Variants in MIPOL1 observed in about 807,000 individuals in gnomAD.
The protein encoded by MIPOL1 is mirror-image polydactyly gene 1 protein.
Under a neutral mutation model 60.9 loss-of-function variants are expected in MIPOL1, and 57 were observed. The observed-to-expected ratio is 0.94, with a 90% CI of 0.76 to 1.17. The LOEUF (loss-of-function observed/expected upper bound fraction) is 1.17. MIPOL1 is among the 50% of genes most tolerant of loss of function. The pLI, the probability that MIPOL1 is intolerant of heterozygous loss-of-function variation, is 0.00. For synonymous variants in MIPOL1, 179 were observed against 168.8 expected, an observed-to-expected ratio of 1.06 and a Z score of -0.47; for missense variants, 551 against 511.6, an observed-to-expected ratio of 1.08 and a Z score of -0.74.
rs2095552190 is a variant in MIPOL1 at position 37,547,877 on chromosome 14, A to G, written c.*906A>G. On this transcript the variant is annotated 3_prime_UTR_variant, in exon 13 of 13. Transcript: ENST00000684589. ...GGATCTAATATATAATATTCAATAC[A>G]ATTGTAATGTAGAAATATAAGAATT... 6.6e-6 allele frequency: 1 copy of G among 151,990 alleles called. No individual in the cohort carries two copies. Among genetic ancestry groups the G allele is most frequent in the Admixed American group, 6.6e-5 (1 of 15,258 alleles). 9.4% of individuals were successfully genotyped at this position (151,990 alleles called of 1,614,324 possible). A position where few individuals can be genotyped will look rare whatever the true frequency, so the allele number is the denominator to read the frequency against.
chr14:37,446,064 T>G (rs1415765652), intron 11 of MIPOL1, among the ~76,000 whole-genome samples: 2 of 152,116 alleles, frequency 1.3e-5, no homozygotes. Flanking sequence ...AAAGCCAAAA[T>G]TGACAAATGG....
At chr14:37,487,629 G>A (rs952233453) in intron 11 of MIPOL1, among the ~76,000 whole-genome samples, 5 of 152,202 alleles carry the variant, frequency 3.3e-5, no homozygotes, top group Admixed American at 2.0e-4. Context: ...TTGTGTAGAG[G>A]TGTTTATAGT....
chr14:37,345,531 T>C (rs1439833996), intron 9 of MIPOL1, among the ~76,000 whole-genome samples: 2 of 152,236 alleles, frequency 1.3e-5, no homozygotes, highest in African/African-American at 2.4e-5. Context: ...CTTTTTCAAG[T>C]TGGCCTCTGA....
chr14:37,513,763 G>A (rs542249555), intron 12 of MIPOL1, among the ~76,000 whole-genome samples: 1 of 152,178 alleles, frequency 6.6e-6, no homozygotes, highest in African/African-American at 2.4e-5. Context: ...TGCATTTAAT[G>A]TACTTCTTCA....
chr14:37,450,502 A>T (rs2094401624), intron 11 of MIPOL1, among the ~76,000 whole-genome samples: 1 of 152,078 alleles, frequency 6.6e-6, no homozygotes, highest in South Asian at 2.1e-4. Flanking sequence ...ACGTTTTCTC[A>T]TGGAAGATAA....
intron 9 of MIPOL1, among the ~76,000 whole-genome samples, chr14:37,315,878 G>A (rs908348428): frequency 6.6e-6 from 1 of 152,090 alleles, no homozygotes; most frequent in African/African-American, 2.4e-5. Flanking sequence ...ACCAAGTTGT[G>A]TGGTGTGTCA....
At chr14:37,502,864 A>T (rs916778536) in intron 12 of MIPOL1, 1 of 152,186 alleles carries the variant, frequency 6.6e-6, no homozygotes, top group African/African-American at 2.4e-5. Flanking sequence ...CAAGGAAGCT[A>T]AAAACCTTGA....
intron 7 of MIPOL1, among the ~76,000 whole-genome samples, chr14:37,297,549 GA>G (rs1567341500): frequency 6.6e-6 from 1 of 152,132 alleles, no homozygotes; most frequent in African/African-American, 2.4e-5. Context: ...TGTGTATCTA[GA>G]AAACCCCATC....
chr14:37,313,363 T>C (rs1364693797), intron 9 of MIPOL1, among the ~76,000 whole-genome samples: 1 of 152,104 alleles, frequency 6.6e-6, no homozygotes, highest in Non-Finnish European at 1.5e-5. Flanking sequence ...TTAGGCTAGC[T>C]CTGGGCTATG....
chr14:37,416,123 C>T (rs2093764907), intron 10 of MIPOL1, among the ~76,000 whole-genome samples: 4 of 152,138 alleles, frequency 2.6e-5, no homozygotes, highest in African/African-American at 9.7e-5. Flanking sequence ...TTATACGTCA[C>T]ACATCACTAT....
chr14:37,524,275 G>T (rs1239754933), intron 12 of MIPOL1, among the ~76,000 whole-genome samples: 1 of 152,112 alleles, frequency 6.6e-6, no homozygotes, highest in Admixed American at 6.5e-5. Flanking sequence ...ATGAGAAATT[G>T]TGATAACTTG....
intron 11 of MIPOL1, among the ~76,000 whole-genome samples, chr14:37,433,638 C>T (rs1390572323): frequency 1.3e-5 from 2 of 152,164 alleles, no homozygotes; most frequent in African/African-American, 2.4e-5. Flanking sequence ...TCACTGCAAC[C>T]TCTGCCTCCC....
At position 37,369,509 on chromosome 14, in the gene MIPOL1, T is replaced by G. The variant is rs2092580510; in HGVS notation, c.829-8T>G. ...CCTTTACTTAATGGGATTCTTCCCC[T>G]GTGGCAGTGCAAACGGTTAGAGCAG... is the stretch of plus-strand genomic sequence containing the variant. On this transcript the variant is annotated splice_region_variant and splice_polypyrimidine_tract_variant and intron_variant, in intron 9 of 12. Transcript: ENST00000684589. 1 of 1,605,082 alleles carries G rather than the reference T, an allele frequency of 6.2e-7. No homozygotes were observed. The highest frequency in any genetic ancestry group is 1.3e-5 in the African/African-American group (1 of 74,688).
chr14:37,224,562 A>T (rs1969376953), intron 1 of MIPOL1, among the ~76,000 whole-genome samples: 1 of 152,174 alleles, frequency 6.6e-6, no homozygotes. Flanking sequence ...TGTGAGACTT[A>T]TTCACTACAA....
At chr14:37,473,916 T>C (rs1031263986) in intron 11 of MIPOL1, among the ~76,000 whole-genome samples, 2 of 152,038 alleles carry the variant, frequency 1.3e-5, no homozygotes, top group Non-Finnish European at 2.9e-5. Flanking sequence ...ATGCCCATAC[T>C]TTTTATTTGT....
At chr14:37,343,023 A>G (rs2153463782) in intron 9 of MIPOL1, among the ~76,000 whole-genome samples, 1 of 150,280 alleles carries the variant, frequency 6.7e-6, no homozygotes, top group Admixed American at 6.6e-5. Context: ...AATATATAGA[A>G]ACATGTCATT....
chr14:37,369,398 G>C, intron 9 of MIPOL1, 119 bp from the exon 10 acceptor site: 1 of 332,288 alleles, frequency 3.0e-6, no homozygotes, highest in South Asian at 4.3e-5. Context: ...CATTCTTGTT[G>C]CAAAAAAAAA....
chr14:37,348,624 A>T (rs979744959), intron 9 of MIPOL1, among the ~76,000 whole-genome samples: 9 of 151,734 alleles, frequency 5.9e-5, no homozygotes, highest in Non-Finnish European at 1.2e-4. Flanking sequence ...TATTATAACC[A>T]TTATATATTA....
chr14:37,214,280 A>G (rs1001587840), intron 1 of MIPOL1, among the ~76,000 whole-genome samples: 3 of 152,224 alleles, frequency 2.0e-5, no homozygotes, highest in African/African-American at 4.8e-5. Flanking sequence ...TTTTCAAGAC[A>G]TAGTACCATA....
Sources: gnomAD v4.1 joint callset for allele counts (sites outside exome capture counted in the v4.1 genomes callset) on GRCh38, gnomAD v4.1.1 for gene constraint, MANE v1.5 for transcripts, NCBI Gene and HGNC (gene_info 2026-07-23, HGNC 2026-07-21) for gene names.